The following EXOC2 variants were observed in gnomAD, a reference collection of about 807,000 sequenced individuals.
EXOC2 encodes exocyst complex component 2.
EXOC2 carries 70 observed loss-of-function variants against 131.8 expected under a neutral mutation model. That is an observed-to-expected ratio of 0.53 (90% CI 0.44 to 0.65). EXOC2 has a LOEUF of 0.65. Ranked by LOEUF, EXOC2 falls within the 30% of genes least tolerant of loss-of-function variation. The pLI is 0.00. For missense variants in EXOC2, 923 were observed against 1,108.6 expected, an observed-to-expected ratio of 0.83 and a Z score of 2.38; for synonymous variants, 411 against 398.4, an observed-to-expected ratio of 1.03 and a Z score of -0.38.
chr6:583,011 T>C (rs558343491), intron 11 of EXOC2, among the ~76,000 whole-genome samples: 2 of 152,322 alleles, frequency 1.3e-5, no homozygotes, highest in African/African-American at 2.4e-5. Context: ...ATTTATTAGC[T>C]ACCATTGGCC....
At chr6:613,470 C>CAA (rs3839496) in intron 6 of EXOC2, among the ~76,000 whole-genome samples, 3 of 151,956 alleles carry the variant, frequency 2.0e-5, no homozygotes, top group African/African-American at 4.8e-5. Context: ...AAAAAAACAA[C>CAA]AAAAAAAGAG....
rs1224117646 is a variant in EXOC2, at chr6:599,067, A to C, written c.888+13T>G. ...TCTACAACCATATGTAAATAAATAA[A>C]CATGTACTCTACCTTTTGAATATTC... On this transcript the variant is annotated intron_variant, in intron 8 of 27. Transcript: ENST00000230449. 1 of 1,601,184 alleles carries C rather than the reference A, an allele frequency of 6.2e-7. No individual in the cohort carries two copies. Among genetic ancestry groups the C allele is most frequent in the Admixed American group, 1.7e-5 (1 of 58,420 alleles).
intron 22 of EXOC2, among the ~76,000 whole-genome samples, chr6:538,368 T>A (rs1766591650): frequency 6.6e-6 from 1 of 152,348 alleles, no homozygotes; most frequent in East Asian, 1.9e-4. Context: ...TCTGCTTGAT[T>A]CCTGCTCAAA....
rs371980411 is a variant in EXOC2, at chr6:552,860, CCA to C, written c.2121+992_2121+993del. ...AGTTTTACCTTGAGACAGACACAGA[CCA>C]CACACACACACACACACCCCCCCTT... On this transcript the variant is annotated intron_variant, in intron 21 of 27. Coordinates refer to ENST00000230449, the MANE Select transcript of EXOC2 (RefSeq NM_018303.6). 3.6e-4 allele frequency among the ~76,000 whole-genome samples: 54 copies of C among 149,852 alleles called. 1 individual carries two copies. Among genetic ancestry groups the C allele is most frequent in the African/African-American group, 9.5e-4 (39 of 40,986 alleles).
intron 1 of EXOC2, among the ~76,000 whole-genome samples, chr6:647,650 T>A (rs1762637426): frequency 7.6e-6 from 1 of 131,916 alleles, no homozygotes; most frequent in Admixed American, 9.1e-5. Context: ...CTCCAGTGAC[T>A]GGGGCTCTGG....
intron 1 of EXOC2, among the ~76,000 whole-genome samples, chr6:653,085 A>G (rs1429519522): frequency 2.0e-5 from 3 of 152,160 alleles, no homozygotes; most frequent in Non-Finnish European, 4.4e-5. Context: ...CAGGGAACTT[A>G]ATTGATAAAT....
intron 1 of EXOC2, chr6:656,510 G>C: frequency 1.2e-6 from 2 of 1,604,644 alleles, no homozygotes; most frequent in Non-Finnish European, 1.7e-6. Flanking sequence ...TGGGCGGCAG[G>C]CAGTCCCGCC....
intron 23 of EXOC2, among the ~76,000 whole-genome samples, chr6:507,443 A>C (rs1764631699): frequency 8.6e-5 from 13 of 151,782 alleles, no homozygotes; most frequent in Admixed American, 7.9e-4. Flanking sequence ...TAATATGACA[A>C]ATGACCATCT....
At chr6:625,340 C>T (rs1324966783) in intron 4 of EXOC2, among the ~76,000 whole-genome samples, 2 of 152,174 alleles carry the variant, frequency 1.3e-5, no homozygotes, top group African/African-American at 4.8e-5. Context: ...TCCGCGCTTG[C>T]GGCAAAGAGA....
chr6:557,533 G>T lies in EXOC2; in HGVS notation c.1852-969C>A, dbSNP rs139998742. Among the ~76,000 whole-genome samples the T allele has an allele frequency of 9.3e-4, 138 of 148,410 alleles. No individual in the cohort carries two copies. The East Asian group carries it at 0.025, about 27-fold the overall frequency. ...CTCGGGAGGCTGAGACAGGAGAATC[G>T]CTTGAACCTAGGAGGCGGAGGTTGC... is the stretch of plus-strand genomic sequence containing the variant. On this transcript the variant is annotated intron_variant, in intron 17 of 27. Transcript: ENST00000230449.
rs1761753727 is a variant in EXOC2 at position 629,825 on chromosome 6, T to C, written c.422+10A>G. The C allele has an allele frequency of 6.2e-7, 1 of 1,612,334 alleles. No individual in the cohort carries two copies. The highest frequency in any genetic ancestry group is 8.5e-7 in the Non-Finnish European group (1 of 1,179,424). Reference sequence around the variant, plus strand: ...AAAATAAAGAAGACTGAAAGCAAGATGGTACTCACTTTTCAATCTCAATGC... The same window carrying C: ...AAAATAAAGAAGACTGAAAGCAAGACGGTACTCACTTTTCAATCTCAATGC... On this transcript the variant is annotated intron_variant, in intron 4 of 27. Transcript: ENST00000230449.
intron 7 of EXOC2, among the ~76,000 whole-genome samples, chr6:599,581 C>G (rs965032446): frequency 6.6e-6 from 1 of 152,170 alleles, no homozygotes; most frequent in African/African-American, 2.4e-5. Flanking sequence ...CACACACATA[C>G]GCATGTATGT....
intron 1 of EXOC2, among the ~76,000 whole-genome samples, chr6:682,953 C>T (rs1407190787): frequency 6.6e-6 from 1 of 152,140 alleles, no homozygotes; most frequent in Non-Finnish European, 1.5e-5. Context: ...AAGTGCCCAA[C>T]ATGACTAAAT....
chr6:486,266 C>G lies in EXOC2; in HGVS notation c.*405G>C, dbSNP rs2271551. 235 of 163,522 alleles carry G rather than the reference C, an allele frequency of 1.4e-3. No individual in the cohort carries two copies. In the East Asian group the frequency reaches 0.026, roughly 18 times the overall value. 10.1% of individuals were successfully genotyped at this position (163,522 alleles called of 1,614,324 possible). A position where few individuals can be genotyped will look rare whatever the true frequency, so the allele number is the denominator to read the frequency against. On this transcript the variant is annotated 3_prime_UTR_variant, in exon 28 of 28. Transcript: ENST00000230449. ...GATGTCTACATAGCTTTCCAAATCTCGTATCAGTCAGTCTCTCCGTGTGTC... is the reference window on the plus strand; with the variant it reads ...GATGTCTACATAGCTTTCCAAATCTGGTATCAGTCAGTCTCTCCGTGTGTC...
rs1765714573 is a variant in EXOC2 at position 526,020 on chromosome 6, AT to A, written c.2380+6448del. 2.0e-5 allele frequency among the ~76,000 whole-genome samples: 3 copies of A among 152,386 alleles called. No homozygotes were observed. In the South Asian group the frequency reaches 6.2e-4, roughly 32 times the overall value. ...TTTCAGATTCTACATATATTAAAAA[AT>A]GTTTCAATAAACATCACTGTACATA... On this transcript the variant is annotated intron_variant, in intron 23 of 27. Coordinates refer to ENST00000230449, the MANE Select transcript of EXOC2 (RefSeq NM_018303.6).
At chr6:617,862 T>A in intron 5 of EXOC2, 27 bp from the exon 6 acceptor site, 1 of 1,607,634 alleles carries the variant, frequency 6.2e-7, no homozygotes, top group Non-Finnish European at 8.5e-7. Context: ...AAACCAAAGT[T>A]TGACACTTCT....
chr6:610,308 T>C (rs777034231), intron 6 of EXOC2, 130 bp from the exon 7 acceptor site: 4 of 752,656 alleles, frequency 5.3e-6, no homozygotes, highest in Non-Finnish European at 8.8e-6. Context: ...AGCAAAAACA[T>C]GCTACCCTGT....
At chr6:542,469 G>A (rs778745703) in intron 22 of EXOC2, among the ~76,000 whole-genome samples, 2 of 152,156 alleles carry the variant, frequency 1.3e-5, no homozygotes, top group Non-Finnish European at 1.5e-5. Flanking sequence ...CTTAACAAAG[G>A]ATGAGACATC....
intron 6 of EXOC2, among the ~76,000 whole-genome samples, chr6:610,542 G>T (rs2013853): frequency 0.68 from 102,964 of 152,072 alleles, 36,000 homozygotes; most frequent in Admixed American, 0.77. Flanking sequence ...GCACTCACAT[G>T]ACATTCAAAG....
Sources: gnomAD v4.1 joint callset for allele counts (sites outside exome capture counted in the v4.1 genomes callset) on GRCh38, gnomAD v4.1.1 for gene constraint, MANE v1.5 for transcripts, NCBI Gene and HGNC (gene_info 2026-07-23, HGNC 2026-07-21) for gene names.